The following FANCC variants were observed in gnomAD, a reference collection of about 807,000 sequenced individuals.
The protein encoded by FANCC is FA complementation group C, also known as Fanconi anemia group C protein.
A neutral mutation model predicts 71.3 loss-of-function variants in FANCC; 55 were observed. The ratio of observed to expected loss-of-function variants is 0.77; its 90% CI spans 0.62 to 0.97. The LOEUF is 0.97. Ranked by LOEUF, FANCC falls within the 50% of genes least tolerant of loss-of-function variation. The pLI, the probability that FANCC is intolerant of heterozygous loss-of-function variation, is 0.00. For missense variants in FANCC, 678 were observed against 670.9 expected (o/e 1.01, Z -0.12); for synonymous variants, 275 against 244.9 (o/e 1.12, Z -1.15).
chr9:95,161,047 T>C (rs1830718381), intron 6 of FANCC, among the ~76,000 whole-genome samples: 1 of 152,158 alleles, frequency 6.6e-6, no homozygotes, highest in Non-Finnish European at 1.5e-5. Flanking sequence ...TGAGAAAAGC[T>C]TGATGGTAGG....
chr9:95,191,173 T>G (rs528353211), intron 4 of FANCC, among the ~76,000 whole-genome samples: 1 of 152,146 alleles, frequency 6.6e-6, no homozygotes, highest in South Asian at 2.1e-4. Context: ...AAGACTGAAC[T>G]CCAGGCCAAC....
intron 1 of FANCC, among the ~76,000 whole-genome samples, chr9:95,278,670 A>T (rs1222042256): frequency 6.6e-6 from 1 of 152,132 alleles, no homozygotes; most frequent in Non-Finnish European, 1.5e-5. Flanking sequence ...GTATTAAGTG[A>T]ATTTCTGACT....
rs1306447947 is a variant in FANCC at position 95,101,304 on chromosome 9, TA to T, written c.*402del. On this transcript the variant is annotated 3_prime_UTR_variant, in exon 15 of 15. Transcript: ENST00000289081. The stretch of plus-strand genomic sequence containing the variant: ...AGTCTAAAAAGAGCTAAGTTCTCTC[TA>T]AATTCTTTAATGGTTCATGACCAAA... The T allele has an allele frequency of 1.2e-5, 4 of 331,158 alleles. No individual in the cohort carries two copies. Among genetic ancestry groups the T allele is most frequent in the Non-Finnish European group, 2.3e-5 (4 of 176,834 alleles). 20.5% of individuals were successfully genotyped at this position (331,158 alleles called of 1,614,324 possible).
intron 1 of FANCC, among the ~76,000 whole-genome samples, chr9:95,262,592 T>A (rs190096272): frequency 2.0e-5 from 3 of 152,240 alleles, no homozygotes; most frequent in Admixed American, 2.0e-4. Flanking sequence ...AACATAGAAT[T>A]ACCATTGATC....
At chr9:95,152,485 G>A (rs990605557) in intron 6 of FANCC, among the ~76,000 whole-genome samples, 8 of 152,146 alleles carry the variant, frequency 5.3e-5, no homozygotes, top group African/African-American at 1.9e-4. Flanking sequence ...AATAGCAAGG[G>A]GACCAACGTG....
intron 6 of FANCC, 54 bp downstream of exon 6, chr9:95,171,025 C>A (rs1356989899): frequency 7.0e-7 from 1 of 1,431,248 alleles, no homozygotes; most frequent in Non-Finnish European, 9.9e-7. Flanking sequence ...CCTCTCATAA[C>A]CAAACTGATA....
Position 95,139,075 on chromosome 9 carries a change from C to CT in FANCC, c.687-3574dup, listed in dbSNP as rs531842194. Among the ~76,000 whole-genome samples the CT allele has an allele frequency of 2.0e-5, 3 of 152,286 alleles. No homozygotes were observed. In the South Asian group the frequency reaches 6.2e-4, roughly 32 times the overall value. Reference sequence around the variant, plus strand: ...AAGCAGTATCATCTTGATATGCTTGCTTAACAGAATTTGGCCGAGCCAACA... The same window carrying CT: ...AAGCAGTATCATCTTGATATGCTTGCTTTAACAGAATTTGGCCGAGCCAACA... On this transcript the variant is annotated intron_variant, in intron 7 of 14. Transcript: ENST00000289081.
intron 1 of FANCC, among the ~76,000 whole-genome samples, chr9:95,281,995 A>C (rs2136271057): frequency 6.6e-6 from 1 of 152,136 alleles, no homozygotes; most frequent in East Asian, 1.9e-4. Context: ...AAAGAAAAAA[A>C]GAATCTACAA....
intron 13 of FANCC, among the ~76,000 whole-genome samples, chr9:95,108,505 C>A (rs2071638138): frequency 6.6e-6 from 1 of 152,228 alleles, no homozygotes; most frequent in Non-Finnish European, 1.5e-5. Flanking sequence ...GTCTATCTTC[C>A]TTTATGTCTG....
chr9:95,101,266 G>C lies in FANCC; in HGVS notation c.*441C>G. The C allele has an allele frequency of 3.4e-6, 1 of 295,290 alleles. No homozygotes were observed. Among genetic ancestry groups the C allele is most frequent in the East Asian group, 4.9e-5 (1 of 20,474 alleles). 18.3% of individuals were successfully genotyped at this position (295,290 alleles called of 1,614,324 possible). A position where few individuals can be genotyped will look rare whatever the true frequency, so the allele number is the denominator to read the frequency against. On this transcript the variant is annotated 3_prime_UTR_variant, in exon 15 of 15. Transcript: ENST00000289081. ...CAGTGTGGCTTTATCCCAGATCCCT[G>C]ACTCCTAAAAAGAGTCTAAAAAGAG...
At chr9:95,286,612 A>G (rs1387864746) in intron 1 of FANCC, among the ~76,000 whole-genome samples, 3 of 152,216 alleles carry the variant, frequency 2.0e-5, no homozygotes. Context: ...TGCAAACAAA[A>G]ATTCCAATAA....
chr9:95,152,330 G>A (rs1415626231), intron 6 of FANCC, among the ~76,000 whole-genome samples: 1 of 152,198 alleles, frequency 6.6e-6, no homozygotes, highest in Non-Finnish European at 1.5e-5. Context: ...GAAAAGTAAA[G>A]AATACTCAGA....
chr9:95,199,504 T>C (rs188897346), intron 4 of FANCC, among the ~76,000 whole-genome samples: 350 of 152,344 alleles, frequency 2.3e-3, no homozygotes, highest in Non-Finnish European at 4.0e-3. Context: ...CCGTTTGCCA[T>C]GACCTAACTA....
At chr9:95,272,773 G>T (rs1429603546) in intron 1 of FANCC, among the ~76,000 whole-genome samples, 1 of 152,116 alleles carries the variant, frequency 6.6e-6, no homozygotes, top group Middle Eastern at 3.2e-3. Flanking sequence ...CTTACTGGCA[G>T]GATTCTTAGA....
At chr9:95,179,816 G>T (rs1358082852) in intron 4 of FANCC, among the ~76,000 whole-genome samples, 1 of 152,226 alleles carries the variant, frequency 6.6e-6, no homozygotes, top group African/African-American at 2.4e-5. Flanking sequence ...AGCACATGAT[G>T]AGTAGTTGTT....
intron 3 of FANCC, among the ~76,000 whole-genome samples, chr9:95,246,147 C>T (rs1052646875): frequency 7.9e-5 from 12 of 152,128 alleles, no homozygotes; most frequent in Non-Finnish European, 1.6e-4. Context: ...GACAGGTAAG[C>T]GTGGTCCTGG....
intron 1 of FANCC, among the ~76,000 whole-genome samples, chr9:95,272,352 A>G (rs1832789859): frequency 6.6e-6 from 1 of 152,136 alleles, no homozygotes; most frequent in Non-Finnish European, 1.5e-5. Flanking sequence ...TTGCTCAATG[A>G]TATATTTTTC....
At chr9:95,105,155 A>T (rs1175920888) in intron 14 of FANCC, among the ~76,000 whole-genome samples, 3 of 152,226 alleles carry the variant, frequency 2.0e-5, no homozygotes, top group African/African-American at 7.2e-5. Context: ...GTCTTAGCTG[A>T]GACACCAGCA....
chr9:95,309,749 T>C lies in FANCC; in HGVS notation c.-79+7777A>G, dbSNP rs550029497. ...GTAGTAACTTTTTTCTGATACTATA[T>C]GTCCAACATGTTATGTGGGACACAC... is the stretch of plus-strand genomic sequence containing the variant. On this transcript the variant is annotated intron_variant, in intron 1 of 14. Coordinates refer to ENST00000289081, the MANE Select transcript of FANCC (RefSeq NM_000136.3). Among the ~76,000 whole-genome samples the C allele has an allele frequency of 4.9e-4, 74 of 152,338 alleles. No homozygotes were observed. The South Asian group carries it at 0.014, about 29-fold the overall frequency.
Sources: gnomAD v4.1 joint callset for allele counts (sites outside exome capture counted in the v4.1 genomes callset) on GRCh38, gnomAD v4.1.1 for gene constraint, MANE v1.5 for transcripts, NCBI Gene and HGNC (gene_info 2026-07-23, HGNC 2026-07-21) for gene names.